MAGEB2: variants seen among roughly 807,000 people sequenced by gnomAD.
MAGEB2 encodes MAGE family member B2.
For missense variants in MAGEB2, 365 were observed against 243.2 expected, an observed-to-expected ratio of 1.50 and a Z score of -3.33; for synonymous variants, 107 against 96.2, an observed-to-expected ratio of 1.11 and a Z score of -0.66.
chrX:30,218,823 TA>T lies in MAGEB2; in HGVS notation c.249del (p.Gly84ValfsTer28), dbSNP rs1924476244. 1.7e-6 allele frequency: 2 copies of T among 1,192,361 alleles called. No homozygotes were observed. Among genetic ancestry groups the T allele is most frequent in the Non-Finnish European group, 2.3e-6 (2 of 885,008 alleles). On this transcript the variant is annotated frameshift_variant, in exon 2 of 2. Coordinates refer to ENST00000378988, the MANE Select transcript of MAGEB2 (RefSeq NM_002364.5). LOFTEE classifies it low-confidence loss of function (END_TRUNC). Reference protein sequence around the residue: ...AAAGVSSTKSKKGAKSHQGEK... With the variant: ...AAAGVSSTKSXKGAKSHQGEK... ...CTGCGGGTGTTTCATCCACAAAATCTAAAAAAGGTGCCAAGAGCCACCAAGG... is the reference window on the plus strand; with the variant it reads ...CTGCGGGTGTTTCATCCACAAAATCTAAAAAGGTGCCAAGAGCCACCAAGG...
Position 30,219,531 on chromosome X carries a change from C to T in MAGEB2, c.951C>T (p.Ala317=), listed in dbSNP as rs139938143. 24 of 1,195,907 alleles carry T rather than the reference C, an allele frequency of 2.0e-5. No homozygotes were observed. Among genetic ancestry groups the T allele is most frequent in the African/African-American group, 3.5e-5 (2 of 56,705 alleles). The change falls in exon 2 of 2, where the codon GCC becomes GCT. Residue 317 remains alanine, a synonymous_variant. Coordinates refer to ENST00000378988, the MANE Select transcript of MAGEB2 (RefSeq NM_002364.5). ...AAGCTTTGAAAGATGAAGAGAAAGC[C>T]GGAGTCTGAGCCAGAGTTGTAGCCA... ...YEEALKDEEK[A]GV
intron 1 of MAGEB2, among the ~76,000 whole-genome samples, chrX:30,215,926 G>A (rs910857703): frequency 1.8e-5 from 2 of 111,162 alleles, no homozygotes; most frequent in Non-Finnish European, 1.9e-5. Flanking sequence ...GTGGACTGAA[G>A]AGAACATCTC....
rs750467118 is a variant in MAGEB2 at position 30,219,102 on chromosome X, C to T, written c.522C>T (p.Asn174=). The stretch of plus-strand genomic sequence containing the variant: ...TTGAGCTGAATAAAGTCAACCCCAA[C>T]GGCCACACTTACACCTTCATCGACA... ...FGLELNKVNP[N]GHTYTFIDKV... The change falls in exon 2 of 2, where the codon AAC becomes AAT. Residue 174 remains asparagine (N), a synonymous_variant. Transcript: ENST00000378988. 15 of 1,210,241 alleles carry T rather than the reference C, an allele frequency of 1.2e-5. 1 individual carries two copies. In the South Asian group the frequency reaches 2.3e-4, roughly 19 times the overall value.
chrX:30,216,519 T>C (rs187670785), intron 1 of MAGEB2, among the ~76,000 whole-genome samples: 81 of 111,342 alleles, frequency 7.3e-4, no homozygotes, highest in African/African-American at 2.6e-3. Context: ...CAGGGAGACC[T>C]GAGCATGGCA....
At position 30,219,130 on chromosome X, in the gene MAGEB2, G is replaced by A. The variant is rs1267520277; in HGVS notation, c.550G>A (p.Val184Ile). 1 of 1,210,891 alleles carries A rather than the reference G, an allele frequency of 8.3e-7. No homozygotes were observed. Among genetic ancestry groups the A allele is most frequent in the South Asian group, 1.8e-5 (1 of 56,674 alleles). ...NGHTYTFIDKVDLTDEESLLS... is the reference protein window; with the variant it reads ...NGHTYTFIDKIDLTDEESLLS... ...CCACACTTACACCTTCATCGACAAG[G>A]TAGACCTCACTGATGAGGAATCCCT... The change falls in exon 2 of 2, where the codon GTA (valine) becomes ATA (isoleucine). Residue 184 changes from valine (V) to isoleucine (I), a missense_variant. Transcript: ENST00000378988.
rs972493962 is a variant in MAGEB2, at chrX:30,215,652, C to G, written c.-9C>G. ...TGAATTCTCAGGACTGGTCGGCAGT[C>G]AAGGTGAGGACCCTGAGTGTAAACT... is the stretch of plus-strand genomic sequence containing the variant. On this transcript the variant is annotated 5_prime_UTR_variant, in exon 1 of 2. Coordinates refer to ENST00000378988, the MANE Select transcript of MAGEB2 (RefSeq NM_002364.5). 4.5e-5 allele frequency: 5 copies of G among 110,721 alleles called. No individual in the cohort carries two copies. The highest frequency in any genetic ancestry group is 6.6e-5 in the African/African-American group (2 of 30,351). The allele number at this position is 110,721 out of a possible 1,213,427, so 9.1% of individuals were successfully genotyped here. A position where few individuals can be genotyped will look rare whatever the true frequency, so the allele number is the denominator to read the frequency against.
Position 30,219,972 on chromosome X carries a change from G to T in MAGEB2, c.*432G>T. 7.8e-6 allele frequency: 1 copy of T among 128,021 alleles called. No individual in the cohort carries two copies. The highest frequency in any genetic ancestry group is 1.8e-5 in the Non-Finnish European group (1 of 55,675). 10.6% of individuals were successfully genotyped at this position (128,021 alleles called of 1,213,427 possible). A position where few individuals can be genotyped will look rare whatever the true frequency, so the allele number is the denominator to read the frequency against. On this transcript the variant is annotated 3_prime_UTR_variant, in exon 2 of 2. Transcript: ENST00000378988. ...AAATATTTGGGATCAGAAGCCAGAGGTGTAAAAGTGGTCAATTCTTGGTTT... is the reference window on the plus strand; with the variant it reads ...AAATATTTGGGATCAGAAGCCAGAGTTGTAAAAGTGGTCAATTCTTGGTTT...
At chrX:30,216,173 C>T (rs1025863266) in intron 1 of MAGEB2, among the ~76,000 whole-genome samples, 14 of 111,820 alleles carry the variant, frequency 1.3e-4, no homozygotes, top group African/African-American at 2.3e-4. Flanking sequence ...GTTCCCAGGC[C>T]GAGGTGACAC....
At chrX:30,216,337 A>C (rs918056532) in intron 1 of MAGEB2, among the ~76,000 whole-genome samples, 2 of 111,634 alleles carry the variant, frequency 1.8e-5, no homozygotes, top group Non-Finnish European at 3.8e-5. Context: ...GATGCTCTCT[A>C]GTTTCCTCTG....
At chrX:30,218,262 A>G (rs1325361243) in intron 1 of MAGEB2, among the ~76,000 whole-genome samples, 1 of 111,870 alleles carries the variant, frequency 8.9e-6, no homozygotes, top group Non-Finnish European at 1.9e-5. Flanking sequence ...CCCAAACACC[A>G]GAAGACAGGA....
rs183272477 is a variant in MAGEB2 at position 30,218,788 on chromosome X, G to A, written c.208G>A (p.Ala70Thr). The A allele has an allele frequency of 3.2e-4, 385 of 1,185,803 alleles. No homozygotes were observed. The African/African-American group carries it at 5.8e-3, about 18-fold the overall frequency. ...GCCTCAGAGAGCCCCAACCACTGCC[G>A]CTGCTGCGGCTGCGGGTGTTTCATC... ...QEPQRAPTTA[A>T]AAAAGVSSTK... The change falls in exon 2 of 2, where the codon GCT becomes ACT. Residue 70 changes from alanine to threonine, a missense_variant. Ala to Thr is a moderately conservative substitution (Grantham distance 58, BLOSUM62 0). Coordinates refer to ENST00000378988, the MANE Select transcript of MAGEB2 (RefSeq NM_002364.5).
At position 30,219,116 on chromosome X, in the gene MAGEB2, C is replaced by A; in HGVS notation, c.536C>A (p.Thr179Asn). 1.7e-6 allele frequency: 2 copies of A among 1,210,447 alleles called. No homozygotes were observed. Residue 179 changes from threonine to asparagine, a missense_variant, in exon 2 of 2, where the codon ACC becomes AAC. Thr to Asn is a moderately conservative substitution (Grantham distance 65). Transcript: ENST00000378988. Reference sequence around the variant, plus strand: ...GTCAACCCCAACGGCCACACTTACACCTTCATCGACAAGGTAGACCTCACT... The same window carrying A: ...GTCAACCCCAACGGCCACACTTACAACTTCATCGACAAGGTAGACCTCACT... Reference protein sequence around the residue: ...NKVNPNGHTYTFIDKVDLTDE... With the variant: ...NKVNPNGHTYNFIDKVDLTDE...
chrX:30,219,129 G>A lies in MAGEB2; in HGVS notation c.549G>A (p.Lys183=), dbSNP rs1482087471. 1.7e-6 allele frequency: 2 copies of A among 1,208,889 alleles called. No homozygotes were observed. The highest frequency in any genetic ancestry group is 4.4e-5 in the Admixed American group (2 of 45,729). Reference sequence around the variant, plus strand: ...GCCACACTTACACCTTCATCGACAAGGTAGACCTCACTGATGAGGAATCCC... The same window carrying A: ...GCCACACTTACACCTTCATCGACAAAGTAGACCTCACTGATGAGGAATCCC... ...PNGHTYTFID[K]VDLTDEESLL... is the part of the protein sequence containing the mutation. Residue 183 remains lysine, a synonymous_variant, in exon 2 of 2, where the codon AAG becomes AAA. Coordinates refer to ENST00000378988, the MANE Select transcript of MAGEB2 (RefSeq NM_002364.5).
Position 30,218,824 on chromosome X carries a change from A to G in MAGEB2, c.244A>G (p.Lys82Glu). The change falls in exon 2 of 2, where the codon AAA (lysine) becomes GAA (glutamate). Residue 82 changes from lysine to glutamate, a missense_variant. Physicochemically the swap from Lys to Glu is moderately conservative, Grantham distance 56. Transcript: ENST00000378988. ...AAAGVSSTKS[K>E]KGAKSHQGEK... ...TGCGGGTGTTTCATCCACAAAATCT[A>G]AAAAAGGTGCCAAGAGCCACCAAGG... 8.4e-7 allele frequency: 1 copy of G among 1,190,599 alleles called. No homozygotes were observed. Among genetic ancestry groups the G allele is most frequent in the Non-Finnish European group, 1.1e-6 (1 of 883,191 alleles).
rs369826731 is a variant in MAGEB2, at chrX:30,218,647, C to T, written c.67C>T (p.Arg23Trp). 7.5e-5 allele frequency: 91 copies of T among 1,209,203 alleles called. No homozygotes were observed. The highest frequency in any genetic ancestry group is 2.4e-4 in the East Asian group (8 of 33,736). ...ACGCCGCAAGGCCCGAGATGAGACC[C>T]GGGGTCTCAATGTTCCTCAGGTCAC... is the stretch of plus-strand genomic sequence containing the variant. ...EKRRKARDETRGLNVPQVTEA... is the reference protein window; with the variant it reads ...EKRRKARDETWGLNVPQVTEA... The change falls in exon 2 of 2, where the codon CGG (arginine) becomes TGG (tryptophan). Residue 23 changes from arginine (R) to tryptophan (W), a missense_variant. Arg to Trp is a moderately radical substitution (Grantham distance 101). Transcript: ENST00000378988.
In MAGEB2 at chrX:30,219,360, C is replaced by G. The variant is rs1398275721; in HGVS notation, c.780C>G (p.Tyr260Ter). ...TGGTGCAGGAAAAATATCTGGAGTACAAGCAGGTGCCCAGCAGTGATCCCC... is the reference window on the plus strand; with the variant it reads ...TGGTGCAGGAAAAATATCTGGAGTAGAAGCAGGTGCCCAGCAGTGATCCCC... ...KDLVQEKYLE[Y>*]KQVPSSDPPR... Residue 260 changes from tyrosine (Y) to a stop codon, truncating the protein, a stop_gained, in exon 2 of 2, where the codon TAC becomes TAG. Transcript: ENST00000378988. LOFTEE classifies it low-confidence loss of function (END_TRUNC). 1 of 1,211,786 alleles carries G rather than the reference C, an allele frequency of 8.3e-7. No individual in the cohort carries two copies. The highest frequency in any genetic ancestry group is 2.2e-5 in the Admixed American group (1 of 46,075).
intron 1 of MAGEB2, among the ~76,000 whole-genome samples, chrX:30,216,885 T>TAAAAAAAAAAAAAAA (rs1278361862): frequency 4.5e-5 from 4 of 89,327 alleles, no homozygotes; most frequent in Admixed American, 1.2e-4. Context: ...ACTCCGTCTC[T>TAAAAAAAAAAAAAAA]TAAAAAAAAA....
intron 1 of MAGEB2, among the ~76,000 whole-genome samples, 176 bp from the exon 2 acceptor site, chrX:30,218,400 C>T (rs190638120): frequency 2.0e-4 from 22 of 111,663 alleles, no homozygotes; most frequent in African/African-American, 7.2e-4. Context: ...ATAACCAGGA[C>T]GACAGGAGCC....
chrX:30,217,570 C>A (rs905997474), intron 1 of MAGEB2, among the ~76,000 whole-genome samples: 3 of 112,163 alleles, frequency 2.7e-5, no homozygotes, highest in Admixed American at 9.4e-5. Context: ...AATCTTAGAC[C>A]CTCTCATGAG....
Sources: gnomAD v4.1 joint callset for allele counts (sites outside exome capture counted in the v4.1 genomes callset) on GRCh38, gnomAD v4.1.1 for gene constraint, MANE v1.5 for transcripts, NCBI Gene and HGNC (gene_info 2026-07-23, HGNC 2026-07-21) for gene names.